NTRK3: variants seen among roughly 807,000 people sequenced by gnomAD.
The protein encoded by NTRK3 is NT-3 growth factor receptor.
In NTRK3, 24 loss-of-function variants were observed where a neutral mutation model predicts 91.7. The ratio of observed to expected loss-of-function variants is 0.26; its 90% CI spans 0.19 to 0.37. NTRK3 has a LOEUF of 0.37. Among genes scored for constraint, NTRK3 ranks in the 10% least tolerant of loss-of-function variants. The pLI is 1.00. For missense variants in NTRK3, 880 were observed against 1,068.9 expected, an observed-to-expected ratio of 0.82 and a Z score of 2.46; for synonymous variants, 483 against 404.0, an observed-to-expected ratio of 1.20 and a Z score of -2.34.
intron 13 of NTRK3, among the ~76,000 whole-genome samples, chr15:88,064,450 G>C (rs529578852): frequency 7.2e-4 from 109 of 152,202 alleles, no homozygotes; most frequent in Non-Finnish European, 1.2e-3. Flanking sequence ...CTCTACTGTT[G>C]GTTCTTTTTT....
Position 88,135,522 on chromosome 15 carries a change from A to G in NTRK3, c.908-125T>C, listed in dbSNP as rs2041790776. ...CCACTCTGAAAAGGCTGAGGGAAGC[A>G]GAAGTCCCACCACAATCCCAGCAGA... is the stretch of plus-strand genomic sequence containing the variant. On this transcript the variant is annotated intron_variant, in intron 9 of 18. Transcript: ENST00000394480. 3 of 1,103,496 alleles carry G rather than the reference A, an allele frequency of 2.7e-6. No homozygotes were observed. The South Asian group carries it at 4.1e-5, about 15-fold the overall frequency. The allele number at this position is 1,103,496 out of a possible 1,614,324, so 68.4% of individuals were successfully genotyped here. A position where few individuals can be genotyped will look rare whatever the true frequency, so the allele number is the denominator to read the frequency against.
chr15:88,120,345 C>A (rs769101434), intron 13 of NTRK3, among the ~76,000 whole-genome samples: 2 of 152,198 alleles, frequency 1.3e-5, no homozygotes, highest in Non-Finnish European at 2.9e-5. Flanking sequence ...AAATAGGCAA[C>A]CACTTTACTT....
At chr15:88,141,186 G>T (rs1336163901) in intron 6 of NTRK3, among the ~76,000 whole-genome samples, 1 of 152,104 alleles carries the variant, frequency 6.6e-6, no homozygotes, top group Non-Finnish European at 1.5e-5. Flanking sequence ...GTTGCCTTGG[G>T]GTTATGTCAA....
At chr15:87,917,176 C>T (rs1049323061) in intron 17 of NTRK3, among the ~76,000 whole-genome samples, 4 of 152,240 alleles carry the variant, frequency 2.6e-5, no homozygotes, top group Non-Finnish European at 4.4e-5. Context: ...ATGAAACATA[C>T]TTACCTTGTA....
chr15:87,952,677 A>G (rs2071253198), intron 14 of NTRK3, among the ~76,000 whole-genome samples: 1 of 152,012 alleles, frequency 6.6e-6, no homozygotes, highest in African/African-American at 2.4e-5. Context: ...GCATTTGGAC[A>G]CCGTTTCCAT....
At chr15:87,983,215 A>G (rs1455360013) in intron 14 of NTRK3, among the ~76,000 whole-genome samples, 1 of 152,208 alleles carries the variant, frequency 6.6e-6, no homozygotes, top group Non-Finnish European at 1.5e-5. Context: ...AGCATTTTGT[A>G]CCCTAGCATG....
At chr15:88,084,380 A>G (rs2048320826) in intron 13 of NTRK3, among the ~76,000 whole-genome samples, 1 of 152,238 alleles carries the variant, frequency 6.6e-6, no homozygotes, top group Non-Finnish European at 1.5e-5. Context: ...TTCACAGCCA[A>G]GACTGAGCTC....
chr15:88,206,453 T>C (rs980775925), intron 3 of NTRK3, among the ~76,000 whole-genome samples: 1 of 143,998 alleles, frequency 6.9e-6, no homozygotes, highest in African/African-American at 2.6e-5. Flanking sequence ...GGTCAGGAGA[T>C]GGAGACCATC....
chr15:88,250,414 G>A (rs4609815), intron 3 of NTRK3, among the ~76,000 whole-genome samples: 26,032 of 152,222 alleles, frequency 0.17, 3,053 homozygotes, highest in African/African-American at 0.33. Context: ...CTCAACAATT[G>A]TAAACTAAAA....
rs563427765 is a variant in NTRK3, at chr15:87,996,648, C to T, written c.1585+36209G>A. Among the ~76,000 whole-genome samples, 29 of 152,308 alleles carry T rather than the reference C, an allele frequency of 1.9e-4. No individual in the cohort carries two copies. In the South Asian group the frequency reaches 6.0e-3, roughly 32 times the overall value. ...CAATGCTTAAAGAAGTGTGGCAATG[C>T]TTGAACTATGAATTAGAAACCTCAT... On this transcript the variant is annotated intron_variant, in intron 14 of 18. Coordinates refer to ENST00000394480, the Ensembl canonical transcript of NTRK3.
At chr15:88,026,016 A>T (rs941001542) in intron 14 of NTRK3, among the ~76,000 whole-genome samples, 22 of 152,210 alleles carry the variant, frequency 1.4e-4, no homozygotes, top group Non-Finnish European at 2.8e-4. Context: ...TCACGCCTGT[A>T]ATCCCAGCAC....
intron 14 of NTRK3, among the ~76,000 whole-genome samples, chr15:87,967,918 A>C (rs1341766547): frequency 6.6e-6 from 1 of 152,146 alleles, no homozygotes; most frequent in African/African-American, 2.4e-5. Flanking sequence ...TGACTGGTAG[A>C]TTTCCCTGGC....
chr15:88,223,685 G>T (rs1229712862), intron 3 of NTRK3, among the ~76,000 whole-genome samples: 1 of 152,180 alleles, frequency 6.6e-6, no homozygotes, highest in African/African-American at 2.4e-5. Flanking sequence ...CCTTATATAT[G>T]TAATGGGCAT....
chr15:87,982,472 G>T (rs1352060699), intron 14 of NTRK3, among the ~76,000 whole-genome samples: 2 of 143,604 alleles, frequency 1.4e-5, no homozygotes, highest in African/African-American at 6.0e-5. Flanking sequence ...CTTTTCCTCT[G>T]TCTGTCAACA....
At chr15:88,227,825 G>A (rs757265128) in intron 3 of NTRK3, among the ~76,000 whole-genome samples, 1 of 151,862 alleles carries the variant, frequency 6.6e-6, no homozygotes, top group Non-Finnish European at 1.5e-5. Flanking sequence ...CCTAGAAGCT[G>A]CATGCCCCTC....
At chr15:87,923,567 A>G (rs1038000466) in intron 17 of NTRK3, among the ~76,000 whole-genome samples, 1 of 152,202 alleles carries the variant, frequency 6.6e-6, no homozygotes, top group Non-Finnish European at 1.5e-5. Flanking sequence ...ACCATTATAT[A>G]TCTGAGTATC....
chr15:87,873,087 A>C, exon 19 of NTRK3: 1 of 232,868 alleles, frequency 4.3e-6, no homozygotes, highest in East Asian at 6.1e-5. Context: ...AAGCTGGCTG[A>C]CAGCTCTCCC....
intron 3 of NTRK3, among the ~76,000 whole-genome samples, chr15:88,186,038 T>C (rs1375902942): frequency 6.6e-6 from 1 of 152,264 alleles, no homozygotes; most frequent in Non-Finnish European, 1.5e-5. Flanking sequence ...GGTCTCACCA[T>C]GGCAGAGAAC....
chr15:88,056,961 G>T (rs1347889118), intron 13 of NTRK3, among the ~76,000 whole-genome samples: 1 of 151,824 alleles, frequency 6.6e-6, no homozygotes, highest in Non-Finnish European at 1.5e-5. Flanking sequence ...ACGAGGTCAG[G>T]AGATCGAGAC....
Sources: allele counts gnomAD v4.1 joint callset (sites outside exome capture counted in the v4.1 genomes callset), GRCh38; gene constraint gnomAD v4.1.1; transcripts MANE v1.5; gene names NCBI Gene and HGNC (gene_info 2026-07-23, HGNC 2026-07-21).